Variants in DDX60 observed in about 807,000 individuals in gnomAD.
The protein encoded by DDX60 is DExD/H-box helicase 60.
In DDX60, 165 loss-of-function variants were observed where a neutral mutation model predicts 212.8. That is an observed-to-expected ratio of 0.78 (90% CI 0.68 to 0.88). The LOEUF is 0.88. Ranked by LOEUF, DDX60 falls within the 40% of genes least tolerant of loss-of-function variation. The probability of loss-of-function intolerance (pLI) is 0.00; values close to 1 mark genes in which losing one functional copy is unlikely to be tolerated. For synonymous variants in DDX60, 703 were observed against 685.3 expected (o/e 1.03, Z -0.40); for missense variants, 1,905 against 2,003.9 (o/e 0.95, Z 0.94).
rs17053841 is a variant in DDX60, at chr4:168,250,947, C to T, written c.3858+7G>A. 80,360 of 1,565,024 alleles carry T rather than the reference C, an allele frequency of 0.051. 2,322 individuals carry two copies. Among genetic ancestry groups the T allele is most frequent in the African/African-American group, 0.094 (6,848 of 72,468 alleles). Reference sequence around the variant, plus strand: ...TTCAATTTTTAGAATGAAGAAAATTCACCTACCCTAAGATATCCTTTTCTA... The same window carrying T: ...TTCAATTTTTAGAATGAAGAAAATTTACCTACCCTAAGATATCCTTTTCTA... On this transcript the variant is annotated splice_region_variant and intron_variant, in intron 28 of 37. Coordinates refer to ENST00000393743, the MANE Select transcript of DDX60 (RefSeq NM_017631.6).
chr4:168,231,897 C>A (rs778383076), intron 33 of DDX60, among the ~76,000 whole-genome samples: 1 of 151,940 alleles, frequency 6.6e-6, no homozygotes, highest in African/African-American at 2.4e-5. Flanking sequence ...TAAAGGACAT[C>A]CATATCAGTA....
At position 168,276,073 on chromosome 4, in the gene DDX60, G is replaced by A. The variant is rs775540500; in HGVS notation, c.2087C>T (p.Ala696Val). ...AAATCCTAAATACTTAAGGCATCTG[G>A]CTATGAGTTGCCGATCATCTTCTTG... ...LLQEDDRQLI[A>V]RCLKYLGFDE... Residue 696 changes from alanine (A) to valine (V), a missense_variant, in exon 15 of 38, where the codon GCC (alanine) becomes GTC (valine). Coordinates refer to ENST00000393743, the MANE Select transcript of DDX60 (RefSeq NM_017631.6). 2.5e-6 allele frequency: 4 copies of A among 1,613,614 alleles called. No individual in the cohort carries two copies. The highest frequency in any genetic ancestry group is 3.4e-6 in the Non-Finnish European group (4 of 1,179,812).
intron 26 of DDX60, among the ~76,000 whole-genome samples, chr4:168,252,939 G>T (rs560056593): frequency 1.9e-3 from 282 of 152,086 alleles, no homozygotes; most frequent in Non-Finnish European, 2.9e-3. Flanking sequence ...CGAGTAGCTG[G>T]GATTACAGGT....
intron 25 of DDX60, among the ~76,000 whole-genome samples, chr4:168,258,065 T>A (rs965828530): frequency 6.6e-6 from 1 of 152,234 alleles, no homozygotes; most frequent in African/African-American, 2.4e-5. Flanking sequence ...ATCTCAGCCA[T>A]GCAAGCATGA....
chr4:168,252,146 T>C (rs1734243635), intron 27 of DDX60, among the ~76,000 whole-genome samples: 1 of 152,152 alleles, frequency 6.6e-6, no homozygotes, highest in Non-Finnish European at 1.5e-5. Flanking sequence ...ATTCAGGCTG[T>C]GGAAACAATG....
chr4:168,289,649 C>T (rs1294765992), intron 8 of DDX60, among the ~76,000 whole-genome samples: 3 of 152,126 alleles, frequency 2.0e-5, no homozygotes, highest in Non-Finnish European at 4.4e-5. Context: ...TGCATTGGCA[C>T]TCAAAACTCA....
At chr4:168,283,033 A>G (rs769371725) in intron 13 of DDX60, among the ~76,000 whole-genome samples, 2 of 152,178 alleles carry the variant, frequency 1.3e-5, no homozygotes, top group Non-Finnish European at 2.9e-5. Flanking sequence ...TGGATTAATC[A>G]ATCATTTAAA....
At chr4:168,309,418 A>G (rs1737034299) in intron 3 of DDX60, among the ~76,000 whole-genome samples, 1 of 152,158 alleles carries the variant, frequency 6.6e-6, no homozygotes, top group Admixed American at 6.6e-5. Context: ...AACCTAACGT[A>G]AGGACCATTG....
chr4:168,269,714 A>G (rs1412035989), intron 19 of DDX60, among the ~76,000 whole-genome samples: 3 of 152,174 alleles, frequency 2.0e-5, no homozygotes, highest in Non-Finnish European at 4.4e-5. Flanking sequence ...TGGGATGTAT[A>G]ATGTCTGGCA....
chr4:168,230,349 C>T (rs1289710209), intron 33 of DDX60, among the ~76,000 whole-genome samples: 2 of 152,032 alleles, frequency 1.3e-5, no homozygotes, highest in Admixed American at 6.6e-5. Context: ...TTAGACTACA[C>T]CCTAGGACAA....
intron 7 of DDX60, among the ~76,000 whole-genome samples, 196 bp downstream of exon 7, chr4:168,293,591 C>T (rs1736207394): frequency 6.6e-6 from 1 of 152,094 alleles, no homozygotes; most frequent in Non-Finnish European, 1.5e-5. Flanking sequence ...GAAACATGCA[C>T]ATAGTAAAAC....
At chr4:168,230,244 T>G (rs1467431874) in intron 33 of DDX60, among the ~76,000 whole-genome samples, 1 of 151,722 alleles carries the variant, frequency 6.6e-6, no homozygotes, top group Admixed American at 6.6e-5. Context: ...ACCTAAGAAA[T>G]GAGAAAGATA....
intron 33 of DDX60, among the ~76,000 whole-genome samples, chr4:168,228,942 A>C (rs1205647974): frequency 6.6e-6 from 1 of 152,156 alleles, no homozygotes; most frequent in East Asian, 1.9e-4. Flanking sequence ...GAGTTATTTT[A>C]ATTGAGCACA....
intron 19 of DDX60, among the ~76,000 whole-genome samples, chr4:168,271,691 T>A (rs970794382): frequency 6.6e-6 from 1 of 152,210 alleles, no homozygotes. Flanking sequence ...ATTGACATCA[T>A]TGTTAGAGCC....
chr4:168,324,835 G>A, the DDX60 span, among the ~76,000 whole-genome samples: 14 of 152,128 alleles, frequency 9.2e-5, no homozygotes, highest in African/African-American at 1.9e-4. Flanking sequence ...TCAATGTATC[G>A]TACCTGTGCT....
chr4:168,217,704 G>A (rs564758412), intron 37 of DDX60, among the ~76,000 whole-genome samples: 1 of 152,138 alleles, frequency 6.6e-6, no homozygotes, highest in Non-Finnish European at 1.5e-5. Context: ...AGTGAGGCAG[G>A]AGAGAGTCAG....
chr4:168,308,438 A>C (rs572721223), intron 3 of DDX60, among the ~76,000 whole-genome samples: 1 of 152,104 alleles, frequency 6.6e-6, no homozygotes, highest in Non-Finnish European at 1.5e-5. Flanking sequence ...CATGTGGCAC[A>C]GCCTGATAGG....
chr4:168,300,307 C>T (rs564884555), intron 6 of DDX60, among the ~76,000 whole-genome samples: 4 of 151,944 alleles, frequency 2.6e-5, no homozygotes, highest in Non-Finnish European at 5.9e-5. Context: ...TTTGGGAGGT[C>T]GAGGTGGGCA....
chr4:168,256,528 T>C (rs1344852305), intron 25 of DDX60, among the ~76,000 whole-genome samples: 2 of 152,144 alleles, frequency 1.3e-5, no homozygotes, highest in East Asian at 1.9e-4. Flanking sequence ...ATCTGAGCAA[T>C]TAGCTACAAA....
Sources: gnomAD v4.1 joint callset for allele counts (sites outside exome capture counted in the v4.1 genomes callset) on GRCh38, gnomAD v4.1.1 for gene constraint, MANE v1.5 for transcripts, NCBI Gene and HGNC (gene_info 2026-07-23, HGNC 2026-07-21) for gene names.